PTPRN2: variants seen among roughly 807,000 people sequenced by gnomAD.
PTPRN2 encodes the protein receptor-type tyrosine-protein phosphatase N2.
A neutral mutation model predicts 118.8 loss-of-function variants in PTPRN2; 74 were observed. The observed-to-expected ratio is 0.62, with a 90% confidence interval of 0.52 to 0.76. The LOEUF (loss-of-function observed/expected upper bound fraction) is 0.76. Among genes scored for constraint, PTPRN2 ranks in the 30% least tolerant of loss-of-function variants. PTPRN2 has a pLI of 0.00. For synonymous variants in PTPRN2, 641 were observed against 608.0 expected, an observed-to-expected ratio of 1.05 and a Z score of -0.80; for missense variants, 1,481 against 1,394.4, an observed-to-expected ratio of 1.06 and a Z score of -0.99.
At chr7:158,214,393 C>T (rs996830008) in intron 3 of PTPRN2, among the ~76,000 whole-genome samples, 13 of 121,662 alleles carry the variant, frequency 1.1e-4, no homozygotes, top group African/African-American at 4.1e-4. Flanking sequence ...GAAACACCAG[C>T]GTGTACACAC....
chr7:157,945,328 C>A (rs180679737), intron 11 of PTPRN2, among the ~76,000 whole-genome samples: 1 of 152,236 alleles, frequency 6.6e-6, no homozygotes, highest in East Asian at 1.9e-4. Flanking sequence ...TAGCTGCTCC[C>A]GGCCAACCCC....
chr7:157,580,606 C>G (rs1231961474), intron 17 of PTPRN2, among the ~76,000 whole-genome samples: 14 of 138,868 alleles, frequency 1.0e-4, no homozygotes, highest in Admixed American at 2.9e-4. Context: ...CTGCACACCC[C>G]AGCCCCTGCA....
At chr7:157,858,149 G>A (rs1395798839) in intron 12 of PTPRN2, among the ~76,000 whole-genome samples, 2 of 18,970 alleles carry the variant, frequency 1.1e-4, no homozygotes, top group East Asian at 1.1e-3. Context: ...GGAGAGCCCC[G>A]TCACCACCCA....
intron 12 of PTPRN2, among the ~76,000 whole-genome samples, chr7:157,856,389 C>G (rs1347846757): frequency 6.6e-6 from 1 of 152,244 alleles, no homozygotes; most frequent in African/African-American, 2.4e-5. Flanking sequence ...CACATTTTCT[C>G]ACACACAGCT....
chr7:158,077,806 G>C (rs1049824345), intron 11 of PTPRN2, among the ~76,000 whole-genome samples: 3 of 152,118 alleles, frequency 2.0e-5, no homozygotes, highest in Admixed American at 6.5e-5. Flanking sequence ...TTTGAAAGGA[G>C]CAATACAAAA....
At chr7:158,087,033 G>A (rs766793881) in intron 10 of PTPRN2, among the ~76,000 whole-genome samples, 94 of 152,160 alleles carry the variant, frequency 6.2e-4, no homozygotes, top group Admixed American at 2.1e-3. Flanking sequence ...TGCAAAATCG[G>A]GGGAACAAGA....
At chr7:158,260,798 T>C (rs1797347867) in intron 3 of PTPRN2, among the ~76,000 whole-genome samples, 1 of 152,046 alleles carries the variant, frequency 6.6e-6, no homozygotes. Flanking sequence ...CAGAGACGGC[T>C]CCTTCCTCCT....
At chr7:158,472,911 C>T (rs568100570) in intron 2 of PTPRN2, among the ~76,000 whole-genome samples, 6 of 152,104 alleles carry the variant, frequency 3.9e-5, no homozygotes, top group Non-Finnish European at 8.8e-5. Flanking sequence ...GGCTGCAAAT[C>T]AGGTCCCAAA....
At chr7:157,917,896 C>A (rs1798498657) in intron 11 of PTPRN2, among the ~76,000 whole-genome samples, 1 of 152,094 alleles carries the variant, frequency 6.6e-6, no homozygotes, top group Admixed American at 6.5e-5. Context: ...ATAAGATTTT[C>A]CACCCATTTC....
intron 2 of PTPRN2, among the ~76,000 whole-genome samples, chr7:158,386,053 C>CCT (rs1811328481): frequency 9.4e-6 from 1 of 106,766 alleles, no homozygotes; most frequent in Non-Finnish European, 1.8e-5. Flanking sequence ...CCTCCCGTGC[C>CCT]GAGTCCCTCC....
rs183950511 is a variant in PTPRN2 at position 158,191,145 on chromosome 7, T to C, written c.549+1182A>G. 1.6e-4 allele frequency among the ~76,000 whole-genome samples: 24 copies of C among 152,306 alleles called. No individual in the cohort carries two copies. In the East Asian group the frequency reaches 4.6e-3, roughly 29 times the overall value. On this transcript the variant is annotated intron_variant, in intron 5 of 22. Coordinates refer to ENST00000389418, the MANE Select transcript of PTPRN2 (RefSeq NM_002847.5). ...CGCGTCCTCTGGGAGGACTCTACCTTTCGAGGTCTGTGGGGGTTGCCCAGA... is the reference window on the plus strand; with the variant it reads ...CGCGTCCTCTGGGAGGACTCTACCTCTCGAGGTCTGTGGGGGTTGCCCAGA...
intron 6 of PTPRN2, among the ~76,000 whole-genome samples, chr7:158,151,425 C>T (rs76722336): frequency 1.3e-5 from 2 of 151,640 alleles, no homozygotes; most frequent in Non-Finnish European, 2.9e-5. Context: ...CCCACACCGC[C>T]CGCCTTTCTA....
intron 2 of PTPRN2, among the ~76,000 whole-genome samples, chr7:158,319,498 A>ACACGCACC: frequency 3.1e-5 from 1 of 32,772 alleles, no homozygotes; most frequent in Non-Finnish European, 6.4e-5. Flanking sequence ...TCACACTCAC[A>ACACGCACC]CAGCCTCCCC....
At chr7:158,085,154 C>T (rs1473795137) in intron 10 of PTPRN2, among the ~76,000 whole-genome samples, 55 of 131,114 alleles carry the variant, frequency 4.2e-4, no homozygotes, top group African/African-American at 1.1e-3. Flanking sequence ...TCCACACCCT[C>T]GACGCCCATC....
chr7:158,190,980 G>A (rs1825715411), intron 5 of PTPRN2, among the ~76,000 whole-genome samples: 1 of 152,260 alleles, frequency 6.6e-6, no homozygotes, highest in African/African-American at 2.4e-5. Flanking sequence ...ACACAGAAGT[G>A]CCTCAGCTTC....
chr7:157,559,839 C>T (rs867804140), intron 21 of PTPRN2, among the ~76,000 whole-genome samples: 35 of 152,302 alleles, frequency 2.3e-4, no homozygotes, highest in Admixed American at 3.9e-4. Flanking sequence ...CCCCCCGCCC[C>T]GTCTCTCTCC....
chr7:158,587,566 C>A lies in PTPRN2; in HGVS notation c.104G>T (p.Gly35Val). Reference sequence around the variant, plus strand: ...CGGCGCCCCCCACTCACCCAGACGCCCCGGGAGCTGCCGGCCGCGGGGGAC... The same window carrying A: ...CGGCGCCCCCCACTCACCCAGACGCACCGGGAGCTGCCGGCCGCGGGGGAC... ...SSVPRGRQLP[G>V]RLGCLLEEGL... The change falls in exon 1 of 23, where the codon GGG becomes GTG. Residue 35 changes from glycine (G) to valine (V), a missense_variant. Gly to Val is a moderately radical substitution (Grantham distance 109). This residue lies in a region of PTPRN2 where 1,115 missense variants were observed against 994.2 expected (regional missense o/e 1.12). Transcript: ENST00000389418. 7.5e-7 allele frequency: 1 copy of A among 1,338,134 alleles called. No individual in the cohort carries two copies. The highest frequency in any genetic ancestry group is 9.5e-7 in the Non-Finnish European group (1 of 1,049,662). The allele number at this position is 1,338,134 out of a possible 1,614,324, so 82.9% of individuals were successfully genotyped here. A position where few individuals can be genotyped will look rare whatever the true frequency, so the allele number is the denominator to read the frequency against.
chr7:158,034,521 C>T (rs1267100322), intron 11 of PTPRN2, among the ~76,000 whole-genome samples: 1 of 151,866 alleles, frequency 6.6e-6, no homozygotes. Context: ...TAAGACGGGA[C>T]TTGCTCCTCC....
chr7:157,640,198 C>G (rs1380808034), intron 14 of PTPRN2, among the ~76,000 whole-genome samples: 1 of 152,126 alleles, frequency 6.6e-6, no homozygotes, highest in Non-Finnish European at 1.5e-5. Flanking sequence ...AAAGTAGGAA[C>G]CAACAATTTA....
Sources: gnomAD v4.1 joint callset for allele counts (sites outside exome capture counted in the v4.1 genomes callset) on GRCh38, gnomAD v4.1.1 for gene constraint, gnomAD v4.1.1 regional missense constraint, MANE v1.5 for transcripts, NCBI Gene and HGNC (gene_info 2026-07-23, HGNC 2026-07-21) for gene names.